Variants in ANKS1B observed in about 807,000 individuals in gnomAD.
The protein encoded by ANKS1B is ankyrin repeat and sterile alpha motif domain-containing protein 1B.
In ANKS1B, 36 loss-of-function variants were observed where a neutral mutation model predicts 148.3. The ratio of observed to expected loss-of-function variants is 0.24; its 90% confidence interval spans 0.19 to 0.32. The LOEUF is 0.32. ANKS1B is among the 10% of genes least tolerant of loss of function. The pLI is 1.00. For synonymous variants in ANKS1B, 542 were observed against 560.8 expected, an observed-to-expected ratio of 0.97 and a Z score of 0.47; for missense variants, 1,157 against 1,542.6, an observed-to-expected ratio of 0.75 and a Z score of 4.19.
intron 17 of ANKS1B, among the ~76,000 whole-genome samples, chr12:99,051,782 T>C (rs1046573290): frequency 3.9e-5 from 6 of 152,242 alleles, no homozygotes; most frequent in African/African-American, 1.4e-4. Context: ...ATGTGACTTT[T>C]AGATTCAAGA....
intron 14 of ANKS1B, among the ~76,000 whole-genome samples, chr12:99,155,828 C>T (rs1298438137): frequency 1.3e-5 from 2 of 152,098 alleles, no homozygotes; most frequent in African/African-American, 4.8e-5. Flanking sequence ...TGAATACTGC[C>T]TGTAACAGAG....
chr12:99,905,508 G>GA (rs2093747181), intron 1 of ANKS1B, among the ~76,000 whole-genome samples: 1 of 152,164 alleles, frequency 6.6e-6, no homozygotes, highest in African/African-American at 2.4e-5. Context: ...TCAATAAAGT[G>GA]CTGTAATGTG....
At chr12:98,929,357 T>C (rs1349995755) in intron 17 of ANKS1B, among the ~76,000 whole-genome samples, 3 of 152,066 alleles carry the variant, frequency 2.0e-5, no homozygotes, top group Non-Finnish European at 2.9e-5. Context: ...CTCCCCCAAA[T>C]TGATCTACAG....
chr12:99,632,440 T>C (rs189242828), intron 9 of ANKS1B, among the ~76,000 whole-genome samples: 11 of 151,918 alleles, frequency 7.2e-5, no homozygotes, highest in Admixed American at 5.2e-4. Flanking sequence ...CAGTACCTAG[T>C]GGAGCCATAG....
chr12:99,486,364 C>T (rs74440091), intron 10 of ANKS1B, among the ~76,000 whole-genome samples: 5,947 of 152,034 alleles, frequency 0.039, 169 homozygotes, highest in South Asian at 0.084. Flanking sequence ...ATATTAAGAA[C>T]GTTCTCAGTG....
At chr12:99,668,172 A>G (rs2098518767) in intron 8 of ANKS1B, among the ~76,000 whole-genome samples, 1 of 152,162 alleles carries the variant, frequency 6.6e-6, no homozygotes, top group Non-Finnish European at 1.5e-5. Context: ...ACATAGGATT[A>G]TTTAGATTTT....
chr12:99,152,200 A>G (rs1326847261), intron 15 of ANKS1B, among the ~76,000 whole-genome samples: 2 of 152,198 alleles, frequency 1.3e-5, no homozygotes, highest in Non-Finnish European at 2.9e-5. Flanking sequence ...AGTAGCAAAT[A>G]AATGGTGTAT....
chr12:99,599,350 A>G (rs767849661), intron 9 of ANKS1B, among the ~76,000 whole-genome samples: 57 of 152,048 alleles, frequency 3.7e-4, no homozygotes, highest in Admixed American at 7.9e-4. Context: ...GGGAGGGGTA[A>G]AATAGAAGAA....
chr12:99,419,056 T>C (rs1352522306), intron 11 of ANKS1B, among the ~76,000 whole-genome samples: 1 of 152,178 alleles, frequency 6.6e-6, no homozygotes, highest in Non-Finnish European at 1.5e-5. Flanking sequence ...GAATTTTTTG[T>C]CTATATTCAT....
intron 17 of ANKS1B, among the ~76,000 whole-genome samples, chr12:98,863,275 A>C (rs1023107009): frequency 2.6e-5 from 4 of 152,240 alleles, no homozygotes; most frequent in African/African-American, 9.6e-5. Context: ...CCTGAGAAGA[A>C]CAAAACAGTG....
rs915942887 is a variant in ANKS1B at position 98,820,354 on chromosome 12, G to A, written c.3066+8820C>T. 2.2e-4 allele frequency among the ~76,000 whole-genome samples: 34 copies of A among 152,288 alleles called. 1 individual carries two copies. Among genetic ancestry groups the A allele is most frequent in the African/African-American group, 7.5e-4 (31 of 41,558 alleles). On this transcript the variant is annotated intron_variant, in intron 19 of 26. Coordinates refer to ENST00000683438, the MANE Select transcript of ANKS1B (RefSeq NM_001352186.2). The stretch of plus-strand genomic sequence containing the variant: ...TGTACTAATCAGTGCTGGCTCTGAC[G>A]ATGATGCCGATGAATCACCAGGCCT...
At chr12:99,594,583 T>G (rs1187530327) in intron 9 of ANKS1B, among the ~76,000 whole-genome samples, 1 of 152,034 alleles carries the variant, frequency 6.6e-6, no homozygotes, top group Non-Finnish European at 1.5e-5. Context: ...GGATGAATCT[T>G]CAGGACATTA....
At chr12:99,276,072 GACA>G (rs2077631306) in intron 12 of ANKS1B, among the ~76,000 whole-genome samples, 1 of 152,154 alleles carries the variant, frequency 6.6e-6, no homozygotes, top group South Asian at 2.1e-4. Context: ...TAGGAATACA[GACA>G]ACAATACTCC....
At chr12:99,228,255 A>G (rs1667149650) in intron 14 of ANKS1B, among the ~76,000 whole-genome samples, 12 of 152,114 alleles carry the variant, frequency 7.9e-5, no homozygotes, top group Admixed American at 7.9e-4. Flanking sequence ...CTCTTTGACA[A>G]TGAAGTTCAC....
chr12:99,493,052 A>G (rs1349659499), intron 10 of ANKS1B, among the ~76,000 whole-genome samples: 1 of 152,206 alleles, frequency 6.6e-6, no homozygotes, highest in African/African-American at 2.4e-5. Context: ...ATCAAGCGAG[A>G]GACAGAAATA....
intron 9 of ANKS1B, among the ~76,000 whole-genome samples, chr12:99,613,205 G>A (rs528069282): frequency 1.6e-4 from 24 of 152,188 alleles, no homozygotes; most frequent in African/African-American, 2.4e-4. Flanking sequence ...AATAACAGAC[G>A]CTGGCAAGGT....
At chr12:99,434,079 A>C (rs2152759983) in intron 11 of ANKS1B, among the ~76,000 whole-genome samples, 1 of 152,254 alleles carries the variant, frequency 6.6e-6, no homozygotes, top group South Asian at 2.1e-4. Flanking sequence ...ATTTTAGAAC[A>C]GGCAAGATTA....
At chr12:99,474,436 T>G (rs994833929) in intron 10 of ANKS1B, among the ~76,000 whole-genome samples, 1 of 152,098 alleles carries the variant, frequency 6.6e-6, no homozygotes, top group Non-Finnish European at 1.5e-5. Context: ...TAAAATCAAG[T>G]ATATCAGTGG....
chr12:98,754,945 T>C (rs2098195070), intron 25 of ANKS1B, among the ~76,000 whole-genome samples: 1 of 152,208 alleles, frequency 6.6e-6, no homozygotes, highest in Non-Finnish European at 1.5e-5. Flanking sequence ...TTAGAATGCT[T>C]TGTCAAGTTT....
Sources: allele counts gnomAD v4.1 joint callset (sites outside exome capture counted in the v4.1 genomes callset), GRCh38; gene constraint gnomAD v4.1.1; transcripts MANE v1.5; gene names NCBI Gene and HGNC (gene_info 2026-07-23, HGNC 2026-07-21).